RTL10: variants seen among roughly 807,000 people sequenced by gnomAD.
RTL10 encodes the protein protein Bop.
For synonymous variants in RTL10, 199 were observed against 188.4 expected (o/e 1.06, Z -0.46); for missense variants, 477 against 470.7 (o/e 1.01, Z -0.12).
chr22:19,847,345 A>G lies in RTL10; in HGVS notation c.*3822T>C. On this transcript the variant is annotated 3_prime_UTR_variant, in exon 3 of 3. Transcript: ENST00000328554. ...ACTGATCCTGCAGGGTAACAGCTTT[A>G]TTTGCCTTGCTCCTTTATTGCTGGA... The G allele has an allele frequency of 1.0e-6, 1 of 985,388 alleles. No individual in the cohort carries two copies. Among genetic ancestry groups the G allele is most frequent in the South Asian group, 4.7e-5 (1 of 21,284 alleles). 61.0% of individuals were successfully genotyped at this position (985,388 alleles called of 1,614,324 possible). A position where few individuals can be genotyped will look rare whatever the true frequency, so the allele number is the denominator to read the frequency against.
chr22:19,851,317 G>A lies in RTL10; in HGVS notation c.945C>T (p.Asp315=). 3 of 1,614,126 alleles carry A rather than the reference G, an allele frequency of 1.9e-6. No homozygotes were observed. The highest frequency in any genetic ancestry group is 2.5e-6 in the Non-Finnish European group (3 of 1,180,014). The part of the protein sequence containing the change: ...ESANPPAQRP[D]PAHPGGPKPQ... ...GTTTTGGACCTCCTGGATGAGCTGG[G>A]TCTGGTCTCTGGGCAGGAGGATTAG... The change falls in exon 3 of 3, where the codon GAC becomes GAT. Residue 315 remains aspartate, a synonymous_variant. Coordinates refer to ENST00000328554, the MANE Select transcript of RTL10 (RefSeq NM_024627.6).
rs1263533498 is a variant in RTL10, at chr22:19,848,790, C to G, written c.*2377G>C. On this transcript the variant is annotated 3_prime_UTR_variant, in exon 3 of 3. Coordinates refer to ENST00000328554, the MANE Select transcript of RTL10 (RefSeq NM_024627.6). ...CAAAAGCCCCAAAGCCCCAATAGGA[C>G]AGGGTTCAAAAGAGAAGGCAGCAAT... 6.1e-6 allele frequency: 6 copies of G among 985,436 alleles called. No individual in the cohort carries two copies. The Admixed American group carries it at 1.8e-4, about 30-fold the overall frequency. 61.0% of individuals were successfully genotyped at this position (985,436 alleles called of 1,614,324 possible). A position where few individuals can be genotyped will look rare whatever the true frequency, so the allele number is the denominator to read the frequency against.
Position 19,849,660 on chromosome 22 carries a change from C to G in RTL10, c.*1507G>C. 4 of 984,666 alleles carry G rather than the reference C, an allele frequency of 4.1e-6. No homozygotes were observed. The highest frequency in any genetic ancestry group is 4.8e-6 in the Non-Finnish European group (4 of 829,230). 61.0% of individuals were successfully genotyped at this position (984,666 alleles called of 1,614,324 possible). Reference sequence around the variant, plus strand: ...GGGATTACAGGTGTGAGACACTGCTCCCGGCCAGTTTCTGAATAAGTTTAA... The same window carrying G: ...GGGATTACAGGTGTGAGACACTGCTGCCGGCCAGTTTCTGAATAAGTTTAA... On this transcript the variant is annotated 3_prime_UTR_variant, in exon 3 of 3. Transcript: ENST00000328554.
Position 19,850,288 on chromosome 22 carries a change from G to A in RTL10, c.*879C>T. The A allele has an allele frequency of 1.0e-6, 1 of 982,836 alleles. No individual in the cohort carries two copies. Among genetic ancestry groups the A allele is most frequent in the Non-Finnish European group, 1.2e-6 (1 of 827,468 alleles). 60.9% of individuals were successfully genotyped at this position (982,836 alleles called of 1,614,324 possible). A position where few individuals can be genotyped will look rare whatever the true frequency, so the allele number is the denominator to read the frequency against. On this transcript the variant is annotated 3_prime_UTR_variant, in exon 3 of 3. Coordinates refer to ENST00000328554, the MANE Select transcript of RTL10 (RefSeq NM_024627.6). ...CACCAATTGTGTACCAGGCCACAGA[G>A]CTGACTAAGACAGAGCCCCTGTGCT...
intron 2 of RTL10, among the ~76,000 whole-genome samples, chr22:19,854,242 T>C (rs1938182019): frequency 6.6e-6 from 1 of 152,208 alleles, no homozygotes; most frequent in Non-Finnish European, 1.5e-5. Context: ...CGCATGTGTG[T>C]TTGCCCCCAC....
In RTL10 at chr22:19,852,086, C is replaced by T. The variant is rs1212678688; in HGVS notation, c.176G>A (p.Arg59Gln). 4.3e-6 allele frequency: 7 copies of T among 1,614,114 alleles called. No individual in the cohort carries two copies. The highest frequency in any genetic ancestry group is 1.1e-5 in the South Asian group (1 of 91,094). The change falls in exon 3 of 3, where the codon CGA (arginine) becomes CAA (glutamine). Residue 59 changes from arginine to glutamine, a missense_variant. By Grantham distance (43) the Arg-to-Gln change is conservative (BLOSUM62 1). Coordinates refer to ENST00000328554, the MANE Select transcript of RTL10 (RefSeq NM_024627.6). ...TGTGCTCTTCTGCTCCATGGTCGTT[C>T]GCACACACACGGTGTCCCCACAGCA... is the stretch of plus-strand genomic sequence containing the variant. ...RPCCGDTVCV[R>Q]TTMEQKSTAS...
In RTL10 at chr22:19,852,317, T is replaced by C; in HGVS notation, c.-56A>G. On this transcript the variant is annotated 5_prime_UTR_variant, in exon 3 of 3. Transcript: ENST00000328554. ...CCAGCACTGGTGGGTGGTGGGGGTG[T>C]GGACAGATGTGGCTTGCACGACACA... 1 of 1,541,566 alleles carries C rather than the reference T, an allele frequency of 6.5e-7. No individual in the cohort carries two copies. The highest frequency in any genetic ancestry group is 8.8e-7 in the Non-Finnish European group (1 of 1,136,924).
chr22:19,851,397 A>T lies in RTL10; in HGVS notation c.865T>A (p.Ser289Thr), dbSNP rs1258169876. ...SSKPGPVEPA[S>T]SQPEEAAPTP... Reference sequence around the variant, plus strand: ...GGGGCTGCCTCCTCTGGCTGGGAAGAGGCTGGTTCCACAGGACCAGGCTTG... The same window carrying T: ...GGGGCTGCCTCCTCTGGCTGGGAAGTGGCTGGTTCCACAGGACCAGGCTTG... Residue 289 changes from serine (S) to threonine (T), a missense_variant, in exon 3 of 3, where the codon TCT becomes ACT. Physicochemically the swap from Ser to Thr is moderately conservative, Grantham distance 58. Coordinates refer to ENST00000328554, the MANE Select transcript of RTL10 (RefSeq NM_024627.6). The T allele has an allele frequency of 3.7e-6, 6 of 1,613,908 alleles. No homozygotes were observed. The highest frequency in any genetic ancestry group is 2.2e-5 in the East Asian group (1 of 44,880).
At position 19,847,600 on chromosome 22, in the gene RTL10, C is replaced by CCAGT. The variant is rs1937990192; in HGVS notation, c.*3566_*3567insACTG. 1 of 982,178 alleles carries CCAGT rather than the reference C, an allele frequency of 1.0e-6. No individual in the cohort carries two copies. Among genetic ancestry groups the CCAGT allele is most frequent in the African/African-American group, 1.8e-5 (1 of 56,568 alleles). The allele number at this position is 982,178 out of a possible 1,614,324, so 60.8% of individuals were successfully genotyped here. On this transcript the variant is annotated 3_prime_UTR_variant, in exon 3 of 3. Coordinates refer to ENST00000328554, the MANE Select transcript of RTL10 (RefSeq NM_024627.6). ...CCAACCTCCAGTCCCTGCTCTAAAC[C>CCAGT]CCCATGTAGTGGTACCGAACCATGA...
In RTL10 at chr22:19,850,029, A is replaced by G; in HGVS notation, c.*1138T>C. 3 of 985,600 alleles carry G rather than the reference A, an allele frequency of 3.0e-6. No individual in the cohort carries two copies. Among genetic ancestry groups the G allele is most frequent in the Non-Finnish European group, 3.6e-6 (3 of 830,234 alleles). The allele number at this position is 985,600 out of a possible 1,614,324, so 61.1% of individuals were successfully genotyped here. ...GCTGCCTGGTCCTCACTTCACCTAC[A>G]GCTCTCGGAAGTCAGTTCTCTACCT... On this transcript the variant is annotated 3_prime_UTR_variant, in exon 3 of 3. Transcript: ENST00000328554.
rs1258680559 is a variant in RTL10, at chr22:19,846,647, G to A, written c.*4520C>T. 3.3e-5 allele frequency: 26 copies of A among 777,620 alleles called. No individual in the cohort carries two copies. Among genetic ancestry groups the A allele is most frequent in the Non-Finnish European group, 4.1e-5 (26 of 639,946 alleles). The allele number at this position is 777,620 out of a possible 1,614,324, so 48.2% of individuals were successfully genotyped here. On this transcript the variant is annotated 3_prime_UTR_variant, in exon 3 of 3. Coordinates refer to ENST00000328554, the MANE Select transcript of RTL10 (RefSeq NM_024627.6). ...CCCTAGTACTTACATTTGAAGACAG[G>A]GTCTTTAAAGAGGTAATTCAGGGTT...
In RTL10 at chr22:19,850,394, T is replaced by A; in HGVS notation, c.*773A>T. 1 of 989,202 alleles carries A rather than the reference T, an allele frequency of 1.0e-6. No homozygotes were observed. The highest frequency in any genetic ancestry group is 1.2e-6 in the Non-Finnish European group (1 of 832,658). 61.3% of individuals were successfully genotyped at this position (989,202 alleles called of 1,614,324 possible). A position where few individuals can be genotyped will look rare whatever the true frequency, so the allele number is the denominator to read the frequency against. On this transcript the variant is annotated 3_prime_UTR_variant, in exon 3 of 3. Coordinates refer to ENST00000328554, the MANE Select transcript of RTL10 (RefSeq NM_024627.6). ...GTGCTGAATCCGCAATGCATGCGAG[T>A]GCGGAGTGAGCAGGGGATGGCAGCA...
rs1938042185 is a variant in RTL10 at position 19,849,387 on chromosome 22, G to GTTA, written c.*1779_*1780insTAA. ...GTTTTTTGTTGTTTTTTTTTTTTTG[G>GTTA]GATGGAGTTTCACTCTTGTTGTCCA... On this transcript the variant is annotated 3_prime_UTR_variant, in exon 3 of 3. Transcript: ENST00000328554. The GTTA allele has an allele frequency of 5.5e-6, 4 of 729,928 alleles. No individual in the cohort carries two copies. The African/African-American group carries it at 7.7e-5, about 14-fold the overall frequency. 45.2% of individuals were successfully genotyped at this position (729,928 alleles called of 1,614,324 possible). A position where few individuals can be genotyped will look rare whatever the true frequency, so the allele number is the denominator to read the frequency against.
Position 19,852,088 on chromosome 22 carries a change from C to T in RTL10, c.174G>A (p.Val58=). The T allele has an allele frequency of 6.2e-7, 1 of 1,614,234 alleles. No homozygotes were observed. Among genetic ancestry groups the T allele is most frequent in the Non-Finnish European group, 8.5e-7 (1 of 1,180,042 alleles). Residue 58 remains valine, a synonymous_variant, in exon 3 of 3, where the codon GTG becomes GTA. Coordinates refer to ENST00000328554, the MANE Select transcript of RTL10 (RefSeq NM_024627.6). ...ERPCCGDTVC[V]RTTMEQKSTA... Reference sequence around the variant, plus strand: ...TGCTCTTCTGCTCCATGGTCGTTCGCACACACACGGTGTCCCCACAGCAGG... The same window carrying T: ...TGCTCTTCTGCTCCATGGTCGTTCGTACACACACGGTGTCCCCACAGCAGG...
Position 19,850,300 on chromosome 22 carries a change from A to T in RTL10, c.*867T>A. 1.0e-6 allele frequency: 1 copy of T among 981,416 alleles called. No homozygotes were observed. Among genetic ancestry groups the T allele is most frequent in the African/African-American group, 1.7e-5 (1 of 57,278 alleles). The allele number at this position is 981,416 out of a possible 1,614,324, so 60.8% of individuals were successfully genotyped here. A position where few individuals can be genotyped will look rare whatever the true frequency, so the allele number is the denominator to read the frequency against. ...ACCAGGCCACAGAGCTGACTAAGAC[A>T]GAGCCCCTGTGCTGAGGGTCACAGT... On this transcript the variant is annotated 3_prime_UTR_variant, in exon 3 of 3. Coordinates refer to ENST00000328554, the MANE Select transcript of RTL10 (RefSeq NM_024627.6).
intron 2 of RTL10, among the ~76,000 whole-genome samples, chr22:19,853,632 G>C (rs1938163401): frequency 6.6e-6 from 1 of 152,084 alleles, no homozygotes; most frequent in South Asian, 2.1e-4. Context: ...CTCCCAGGGT[G>C]GCCTGCAGCA....
chr22:19,846,938 G>A lies in RTL10; in HGVS notation c.*4229C>T. The A allele has an allele frequency of 4.1e-6, 4 of 985,438 alleles. No individual in the cohort carries two copies. The highest frequency in any genetic ancestry group is 4.8e-6 in the Non-Finnish European group (4 of 829,962). 61.0% of individuals were successfully genotyped at this position (985,438 alleles called of 1,614,324 possible). A position where few individuals can be genotyped will look rare whatever the true frequency, so the allele number is the denominator to read the frequency against. On this transcript the variant is annotated 3_prime_UTR_variant, in exon 3 of 3. Coordinates refer to ENST00000328554, the MANE Select transcript of RTL10 (RefSeq NM_024627.6). ...CAAACAGGTATGTTGCCCTGGGATG[G>A]ATGCAGGCCCCTCCCATCCTCCCAT... is the stretch of plus-strand genomic sequence containing the variant.
chr22:19,849,803 C>G lies in RTL10; in HGVS notation c.*1364G>C. ...GTTTTGTTGTTTTCACAATTGTAAA[C>G]CTGAAAGGGACTTGAACTTCTTGTC... On this transcript the variant is annotated 3_prime_UTR_variant, in exon 3 of 3. Coordinates refer to ENST00000328554, the MANE Select transcript of RTL10 (RefSeq NM_024627.6). 1.0e-6 allele frequency: 1 copy of G among 985,456 alleles called. No homozygotes were observed. Among genetic ancestry groups the G allele is most frequent in the South Asian group, 4.7e-5 (1 of 21,286 alleles). 61.0% of individuals were successfully genotyped at this position (985,456 alleles called of 1,614,324 possible).
Position 19,847,607 on chromosome 22 carries a change from T to TC in RTL10, c.*3559_*3560insG, listed in dbSNP as rs1937990439. ...CCAGTCCCTGCTCTAAACCCCCATG[T>TC]AGTGGTACCGAACCATGACCACCCC... On this transcript the variant is annotated 3_prime_UTR_variant, in exon 3 of 3. Coordinates refer to ENST00000328554, the MANE Select transcript of RTL10 (RefSeq NM_024627.6). 1 of 978,562 alleles carries TC rather than the reference T, an allele frequency of 1.0e-6. No individual in the cohort carries two copies. Among genetic ancestry groups the TC allele is most frequent in the African/African-American group, 1.8e-5 (1 of 55,914 alleles). 60.6% of individuals were successfully genotyped at this position (978,562 alleles called of 1,614,324 possible). A position where few individuals can be genotyped will look rare whatever the true frequency, so the allele number is the denominator to read the frequency against.
Sources: allele counts gnomAD v4.1 joint callset (sites outside exome capture counted in the v4.1 genomes callset), GRCh38; gene constraint gnomAD v4.1.1; transcripts MANE v1.5; gene names NCBI Gene and HGNC (gene_info 2026-07-23, HGNC 2026-07-21).